The following SCHIP1 variants were observed in gnomAD, a reference collection of about 807,000 sequenced individuals.
SCHIP1 encodes the protein schwannomin-interacting protein 1.
Under a neutral mutation model 29.7 loss-of-function variants are expected in SCHIP1, and 8 were observed. The ratio of observed to expected loss-of-function variants is 0.27; its 90% CI spans 0.16 to 0.49. The LOEUF is 0.49. Among genes scored for constraint, SCHIP1 ranks in the 20% least tolerant of loss-of-function variants. The pLI is 0.99. For synonymous variants in SCHIP1, 76 were observed against 94.9 expected (o/e 0.80, Z 1.16); for missense variants, 193 against 294.6 (o/e 0.66, Z 2.52).
At chr3:159,680,540 A>ATG in the SCHIP1 span, among the ~76,000 whole-genome samples, 1 of 118,344 alleles carries the variant, frequency 8.4e-6, no homozygotes, top group East Asian at 2.1e-4. Flanking sequence ...TATATAATAT[A>ATG]TGTATATATA....
the SCHIP1 span, among the ~76,000 whole-genome samples, chr3:159,807,022 A>C: frequency 6.6e-6 from 1 of 152,256 alleles, no homozygotes; most frequent in African/African-American, 2.4e-5. Context: ...TGTCATTATT[A>C]CAATTTTGTT....
chr3:159,699,721 G>A, the SCHIP1 span, among the ~76,000 whole-genome samples: 2 of 152,164 alleles, frequency 1.3e-5, no homozygotes, highest in Non-Finnish European at 2.9e-5. Flanking sequence ...TCACTAAGAT[G>A]AGGTATGACA....
chr3:159,527,175 C>A, the SCHIP1 span, among the ~76,000 whole-genome samples: 3 of 152,118 alleles, frequency 2.0e-5, no homozygotes, highest in East Asian at 5.8e-4. Flanking sequence ...TCTGTCAGGG[C>A]CATCTTCATG....
At chr3:159,281,754 G>C in the SCHIP1 span, among the ~76,000 whole-genome samples, 2 of 151,944 alleles carry the variant, frequency 1.3e-5, no homozygotes, top group African/African-American at 4.8e-5. Context: ...AATATTCTCT[G>C]TCTCATTTTA....
the SCHIP1 span, among the ~76,000 whole-genome samples, chr3:159,661,298 G>C: frequency 6.6e-6 from 1 of 152,036 alleles, no homozygotes; most frequent in Non-Finnish European, 1.5e-5. Context: ...TAATGTTTTA[G>C]AGGCATTTTC....
chr3:159,674,550 A>G, the SCHIP1 span, among the ~76,000 whole-genome samples: 8 of 147,760 alleles, frequency 5.4e-5, no homozygotes, highest in African/African-American at 1.8e-4. Context: ...AAACCTGTCC[A>G]TGCATAGCAG....
chr3:159,615,255 GA>G, the SCHIP1 span, among the ~76,000 whole-genome samples: 2 of 152,182 alleles, frequency 1.3e-5, no homozygotes, highest in Non-Finnish European at 2.9e-5. Flanking sequence ...GGAAGAGCTG[GA>G]CAGGTAACCA....
At chr3:159,290,111 G>C in the SCHIP1 span, among the ~76,000 whole-genome samples, 1 of 152,020 alleles carries the variant, frequency 6.6e-6, no homozygotes, top group African/African-American at 2.4e-5. Context: ...AAGTAATTTA[G>C]AATAGGCTTT....
At chr3:159,397,604 C>T in the SCHIP1 span, among the ~76,000 whole-genome samples, 1 of 152,200 alleles carries the variant, frequency 6.6e-6, no homozygotes, top group African/African-American at 2.4e-5. Context: ...TCTTCCCCTG[C>T]TGGGGGGTGC....
chr3:159,418,157 A>T, the SCHIP1 span, among the ~76,000 whole-genome samples: 2 of 152,192 alleles, frequency 1.3e-5, no homozygotes, highest in African/African-American at 2.4e-5. Context: ...GCACAAAAAG[A>T]CCTACCTTTT....
the SCHIP1 span, among the ~76,000 whole-genome samples, chr3:159,423,439 G>A: frequency 2.6e-5 from 4 of 152,216 alleles, no homozygotes; most frequent in Admixed American, 1.3e-4. Context: ...CTATGCCCAC[G>A]GAGTCTTGCT....
the SCHIP1 span, among the ~76,000 whole-genome samples, chr3:159,536,193 A>G: frequency 6.6e-6 from 1 of 152,278 alleles, no homozygotes; most frequent in African/African-American, 2.4e-5. Flanking sequence ...CAAACTAGCA[A>G]GTTTTTCACA....
At chr3:159,332,087 A>T in the SCHIP1 span, among the ~76,000 whole-genome samples, 1 of 152,122 alleles carries the variant, frequency 6.6e-6, no homozygotes, top group East Asian at 1.9e-4. Flanking sequence ...GCTTGCTCAC[A>T]TTTCTTAGCA....
intron 1 of SCHIP1, among the ~76,000 whole-genome samples, chr3:159,855,750 G>T (rs1429007194): frequency 6.6e-6 from 1 of 151,938 alleles, no homozygotes; most frequent in Non-Finnish European, 1.5e-5. Flanking sequence ...CCCTGCTTAG[G>T]TACCATAGAA....
the SCHIP1 span, among the ~76,000 whole-genome samples, chr3:159,759,031 A>G: frequency 1.3e-5 from 2 of 152,332 alleles, no homozygotes; most frequent in East Asian, 1.9e-4. Context: ...GTTGTTGGAT[A>G]TATCTTTTAA....
the SCHIP1 span, among the ~76,000 whole-genome samples, chr3:159,423,034 T>C: frequency 6.6e-6 from 1 of 152,190 alleles, no homozygotes; most frequent in Non-Finnish European, 1.5e-5. Flanking sequence ...AACATACAAA[T>C]ATGCATAGAT....
chr3:159,473,966 G>A, the SCHIP1 span, among the ~76,000 whole-genome samples: 1 of 151,932 alleles, frequency 6.6e-6, no homozygotes, highest in African/African-American at 2.4e-5. Flanking sequence ...TCAATCTTCA[G>A]TGAGGATAGT....
chr3:159,891,799 T>G (rs144095168), intron 5 of SCHIP1, among the ~76,000 whole-genome samples: 5 of 152,308 alleles, frequency 3.3e-5, no homozygotes, highest in South Asian at 2.1e-4. Flanking sequence ...TGTTCACATT[T>G]TTTCTTCAAA....
At chr3:159,566,824 G>C in the SCHIP1 span, among the ~76,000 whole-genome samples, 1 of 152,196 alleles carries the variant, frequency 6.6e-6, no homozygotes, top group Non-Finnish European at 1.5e-5. Flanking sequence ...CTAAGTACAT[G>C]TGCTAGTTTC....
Sources: gnomAD v4.1 joint callset for allele counts (sites outside exome capture counted in the v4.1 genomes callset) on GRCh38, gnomAD v4.1.1 for gene constraint, MANE v1.5 for transcripts, NCBI Gene and HGNC (gene_info 2026-07-23, HGNC 2026-07-21) for gene names.